Variants in RPS6KC1 observed in about 807,000 individuals in gnomAD.
RPS6KC1 encodes inactive ribosomal protein S6 kinase delta-1.
Under a neutral mutation model 103.8 loss-of-function variants are expected in RPS6KC1, and 54 were observed. The ratio of observed to expected loss-of-function variants is 0.52; its 90% CI spans 0.42 to 0.65. The LOEUF (loss-of-function observed/expected upper bound fraction) is 0.65, where lower values mean the gene tolerates loss of function less well. RPS6KC1 is among the 30% of genes least tolerant of loss of function. The probability of loss-of-function intolerance (pLI) is 0.00; values close to 1 mark genes in which losing one functional copy is unlikely to be tolerated. For synonymous variants in RPS6KC1, 439 were observed against 438.7 expected, an observed-to-expected ratio of 1.00 and a Z score of -0.01; for missense variants, 1,151 against 1,253.8, an observed-to-expected ratio of 0.92 and a Z score of 1.24.
the RPS6KC1 span, among the ~76,000 whole-genome samples, chr1:213,491,977 G>A: frequency 6.6e-6 from 1 of 152,260 alleles, no homozygotes; most frequent in South Asian, 2.1e-4. Flanking sequence ...TTCCTGCCCA[G>A]CCTGCCACCG....
the RPS6KC1 span, among the ~76,000 whole-genome samples, chr1:213,333,751 C>T: frequency 6.6e-6 from 1 of 152,082 alleles, no homozygotes; most frequent in South Asian, 2.1e-4. Context: ...CTCTGCCTCC[C>T]GGGTTCAAGC....
the RPS6KC1 span, among the ~76,000 whole-genome samples, chr1:213,325,927 CAG>C: frequency 3.9e-5 from 6 of 152,224 alleles, no homozygotes; most frequent in Non-Finnish European, 2.9e-5. Context: ...TCTCCAGAGT[CAG>C]AAACATTTGT....
At chr1:213,421,765 G>C in the RPS6KC1 span, among the ~76,000 whole-genome samples, 59 of 152,242 alleles carry the variant, frequency 3.9e-4, no homozygotes, top group Non-Finnish European at 5.9e-4. Flanking sequence ...GTGAGGCACA[G>C]AGAAAGGTTG....
At chr1:213,860,086 G>C in the RPS6KC1 span, among the ~76,000 whole-genome samples, 1 of 150,610 alleles carries the variant, frequency 6.6e-6, no homozygotes, top group Non-Finnish European at 1.5e-5. Flanking sequence ...ATAGAAAAAA[G>C]GTGTAAATAT....
At chr1:213,712,404 G>A in the RPS6KC1 span, among the ~76,000 whole-genome samples, 1 of 152,334 alleles carries the variant, frequency 6.6e-6, no homozygotes, top group South Asian at 2.1e-4. Flanking sequence ...TCAGACTGCT[G>A]TGCTGGCAGC....
the RPS6KC1 span, among the ~76,000 whole-genome samples, chr1:213,411,466 C>T: frequency 6.6e-6 from 1 of 152,168 alleles, no homozygotes; most frequent in Non-Finnish European, 1.5e-5. Flanking sequence ...AGAGCTCAGA[C>T]TTGCCAGGGT....
chr1:213,144,480 C>T (rs796337043), intron 6 of RPS6KC1, among the ~76,000 whole-genome samples: 3 of 152,032 alleles, frequency 2.0e-5, no homozygotes, highest in African/African-American at 4.8e-5. Flanking sequence ...CTTGAACTCC[C>T]GTCCTCAAGA....
the RPS6KC1 span, among the ~76,000 whole-genome samples, chr1:213,568,303 C>T: frequency 4.8e-3 from 736 of 152,266 alleles, 6 homozygotes; most frequent in African/African-American, 0.013. Context: ...CTCTACAGAT[C>T]GCTCTGGGAT....
chr1:213,107,289 T>C (rs1034535087), intron 4 of RPS6KC1, among the ~76,000 whole-genome samples: 2 of 152,194 alleles, frequency 1.3e-5, no homozygotes, highest in Non-Finnish European at 2.9e-5. Flanking sequence ...TGTGTCTACT[T>C]GCTATGGTGA....
the RPS6KC1 span, among the ~76,000 whole-genome samples, chr1:213,828,172 G>T: frequency 6.6e-6 from 1 of 152,158 alleles, no homozygotes; most frequent in Non-Finnish European, 1.5e-5. Flanking sequence ...CTGAAAGCCA[G>T]ATGAGGCCAG....
chr1:213,610,890 C>T, the RPS6KC1 span, among the ~76,000 whole-genome samples: 1 of 152,206 alleles, frequency 6.6e-6, no homozygotes, highest in Non-Finnish European at 1.5e-5. Context: ...AATGAAGACC[C>T]TTTCCTGTTC....
At chr1:213,545,437 G>T in the RPS6KC1 span, among the ~76,000 whole-genome samples, 1 of 61,912 alleles carries the variant, frequency 1.6e-5, no homozygotes, top group South Asian at 6.7e-4. Context: ...AAATAAAAGA[G>T]AGAGAGAGAG....
At chr1:213,662,428 A>ATTTTTTTTTTTTTTT in the RPS6KC1 span, among the ~76,000 whole-genome samples, 2 of 120,958 alleles carry the variant, frequency 1.7e-5, no homozygotes, top group African/African-American at 6.4e-5. Context: ...CACCTGGCTA[A>ATTTTTTTTTTTTTTT]TTTTTTTTTT....
At chr1:213,634,949 G>A in the RPS6KC1 span, among the ~76,000 whole-genome samples, 5 of 152,000 alleles carry the variant, frequency 3.3e-5, no homozygotes, top group African/African-American at 7.2e-5. Context: ...TATCACCACC[G>A]ATCCCACAGA....
the RPS6KC1 span, among the ~76,000 whole-genome samples, chr1:213,758,846 T>A: frequency 6.6e-6 from 1 of 152,184 alleles, no homozygotes; most frequent in Non-Finnish European, 1.5e-5. Flanking sequence ...AGAAAGTGGC[T>A]TCTTGAGATG....
At chr1:213,054,222 C>T (rs2077163722) in intron 1 of RPS6KC1, among the ~76,000 whole-genome samples, 1 of 152,134 alleles carries the variant, frequency 6.6e-6, no homozygotes, top group African/African-American at 2.4e-5. Context: ...TAGCACATTG[C>T]CTTAGAACTA....
the RPS6KC1 span, among the ~76,000 whole-genome samples, chr1:213,799,106 A>G: frequency 6.6e-6 from 1 of 152,190 alleles, no homozygotes; most frequent in Non-Finnish European, 1.5e-5. Flanking sequence ...AAGTAGTCAG[A>G]ATATTTTCAT....
At chr1:213,160,040 ATTAC>A (rs1385003123) in intron 6 of RPS6KC1, among the ~76,000 whole-genome samples, 1 of 152,184 alleles carries the variant, frequency 6.6e-6, no homozygotes. Context: ...GCAGTTTTAT[ATTAC>A]TTATAGCTTA....
chr1:213,402,012 T>G, the RPS6KC1 span, among the ~76,000 whole-genome samples: 1 of 152,194 alleles, frequency 6.6e-6, no homozygotes, highest in African/African-American at 2.4e-5. Context: ...TGGTCTGGAA[T>G]TCTGGCTTCA....
Sources: gnomAD v4.1 joint callset for allele counts (sites outside exome capture counted in the v4.1 genomes callset) on GRCh38, gnomAD v4.1.1 for gene constraint, MANE v1.5 for transcripts, NCBI Gene and HGNC (gene_info 2026-07-23, HGNC 2026-07-21) for gene names.